PDGFRB: variants seen among roughly 807,000 people sequenced by gnomAD.
The protein encoded by PDGFRB is platelet derived growth factor receptor beta.
PDGFRB carries 42 observed loss-of-function variants against 120.2 expected under a neutral mutation model. The observed-to-expected ratio is 0.35, with a 90% CI of 0.27 to 0.45. The LOEUF (loss-of-function observed/expected upper bound fraction) is 0.45, where lower values mean the gene tolerates loss of function less well. PDGFRB is among the 20% of genes least tolerant of loss of function. PDGFRB has a pLI of 1.00. For synonymous variants in PDGFRB, 586 were observed against 606.8 expected (o/e 0.97, Z 0.50); for missense variants, 1,149 against 1,476.3 (o/e 0.78, Z 3.63).
chr5:150,121,176 C>A lies in PDGFRB; in HGVS notation c.2463+28G>T, dbSNP rs538196485. On this transcript the variant is annotated intron_variant, in intron 17 of 22. Coordinates refer to ENST00000261799, the MANE Select transcript of PDGFRB (RefSeq NM_002609.4). This position sits in a 1 kb window ranked among gnomAD's most constrained non-coding sequence, Gnocchi z 4.1. The stretch of plus-strand genomic sequence containing the variant: ...GGGTGACCCACCTCCCCACAGCCCC[C>A]ACTCTGCCCCACCAACACCACACGT... The A allele has an allele frequency of 3.0e-6, 4 of 1,334,060 alleles. No homozygotes were observed. In the South Asian group the frequency reaches 4.7e-5, roughly 16 times the overall value. 82.6% of individuals were successfully genotyped at this position (1,334,060 alleles called of 1,614,324 possible). A position where few individuals can be genotyped will look rare whatever the true frequency, so the allele number is the denominator to read the frequency against.
rs1190035265 is a variant in PDGFRB at position 150,134,925 on chromosome 5, T to C, written c.456A>G (p.Thr152=). The C allele has an allele frequency of 1.2e-6, 2 of 1,613,838 alleles. No individual in the cohort carries two copies. The highest frequency in any genetic ancestry group is 1.1e-5 in the South Asian group (1 of 91,074). Residue 152 remains threonine (T), a synonymous_variant, in exon 4 of 23, where the codon ACA becomes ACG. Coordinates refer to ENST00000261799, the MANE Select transcript of PDGFRB (RefSeq NM_002609.4). ...GCAGTGTCACCACCAGCTGTGGGTC[T>C]GTTACTCGGCATGGAATGGTGATCT... ...ITEITIPCRV[T]DPQLVVTLHE...
At chr5:150,122,104 T>G in intron 15 of PDGFRB, 64 bp from the exon 16 acceptor site, 1 of 1,262,118 alleles carries the variant, frequency 7.9e-7, no homozygotes, top group Admixed American at 1.8e-5. Flanking sequence ...CTCCTGCCCC[T>G]TGCCACTCAT....
rs1253207936 is a variant in PDGFRB at position 150,143,455 on chromosome 5, T to C, written c.-6-6402A>G. On this transcript the variant is annotated intron_variant, in intron 1 of 22. Transcript: ENST00000261799. The stretch of plus-strand genomic sequence containing the variant: ...CTGAGCTGGAATGCTGGGCTCGGGG[T>C]GGGGGTGCTGGGGAGGGACCCATGT... Among the ~76,000 whole-genome samples the C allele has an allele frequency of 4.0e-5, 6 of 150,892 alleles. 1 individual carries two copies. Among genetic ancestry groups the C allele is most frequent in the Non-Finnish European group, 5.9e-5 (4 of 67,768 alleles).
intron 12 of PDGFRB, among the ~76,000 whole-genome samples, chr5:150,125,202 C>T (rs970102927): frequency 6.6e-6 from 1 of 152,174 alleles, no homozygotes; most frequent in Non-Finnish European, 1.5e-5. Context: ...CTCAATCCTT[C>T]CACTTTTGCC....
rs1025390393 is a variant in PDGFRB, at chr5:150,115,679, A to G, written c.*84T>C. On this transcript the variant is annotated 3_prime_UTR_variant, in exon 23 of 23. Transcript: ENST00000261799. The stretch of plus-strand genomic sequence containing the variant: ...AGCTGATAAGGGCAGCCTGGCTGAC[A>G]GGAAGCCCGGTCAGGCCAGGCCAGG... 9.6e-5 allele frequency: 127 copies of G among 1,324,518 alleles called. No individual in the cohort carries two copies. The highest frequency in any genetic ancestry group is 1.2e-4 in the Non-Finnish European group (118 of 983,254). 82.0% of individuals were successfully genotyped at this position (1,324,518 alleles called of 1,614,324 possible). A position where few individuals can be genotyped will look rare whatever the true frequency, so the allele number is the denominator to read the frequency against.
chr5:150,150,792 C>T (rs894769347), intron 1 of PDGFRB, among the ~76,000 whole-genome samples: 3 of 152,156 alleles, frequency 2.0e-5, no homozygotes, highest in Admixed American at 1.3e-4. Flanking sequence ...CCATTCCCCC[C>T]CTCACCTCTG....
chr5:150,155,336 T>G (rs1761202221), intron 1 of PDGFRB, 61 bp downstream of exon 1: 1 of 312,016 alleles, frequency 3.2e-6, no homozygotes, highest in Non-Finnish European at 5.6e-6. Flanking sequence ...CTCGAAGAGA[T>G]GCAGGTTAGG....
chr5:150,129,142 C>T (rs1760379980), intron 10 of PDGFRB, among the ~76,000 whole-genome samples: 1 of 152,186 alleles, frequency 6.6e-6, no homozygotes, highest in Non-Finnish European at 1.5e-5. Flanking sequence ...CAATTATATG[C>T]TTACAGACAT....
rs1760118792 is a variant in PDGFRB at position 150,121,149 on chromosome 5, C to T, written c.2463+55G>A. On this transcript the variant is annotated intron_variant, in intron 17 of 22. Coordinates refer to ENST00000261799, the MANE Select transcript of PDGFRB (RefSeq NM_002609.4). The surrounding 1 kb of genome is among the most constrained non-coding windows in gnomAD (Gnocchi z 4.1). ...TGTGCTCTTGGAGGATGCTGGCTGG[C>T]TGGGTGACCCACCTCCCCACAGCCC... 7.5e-7 allele frequency: 1 copy of T among 1,325,604 alleles called. No homozygotes were observed. Among genetic ancestry groups the T allele is most frequent in the African/African-American group, 1.4e-5 (1 of 69,314 alleles). The allele number at this position is 1,325,604 out of a possible 1,614,324, so 82.1% of individuals were successfully genotyped here.
At chr5:150,154,354 T>A (rs538130242) in intron 1 of PDGFRB, among the ~76,000 whole-genome samples, 6 of 152,130 alleles carry the variant, frequency 3.9e-5, no homozygotes, top group Admixed American at 3.9e-4. Flanking sequence ...TTCCAACCTC[T>A]CCAGGCTGTG....
At chr5:150,147,290 G>A (rs1163953093) in intron 1 of PDGFRB, among the ~76,000 whole-genome samples, 2 of 152,162 alleles carry the variant, frequency 1.3e-5, no homozygotes, top group African/African-American at 2.4e-5. Flanking sequence ...ATCTCCGGCC[G>A]GTGCCATGGC....
chr5:150,118,309 G>A (rs1213376117), intron 21 of PDGFRB, among the ~76,000 whole-genome samples: 1 of 152,094 alleles, frequency 6.6e-6, no homozygotes, highest in East Asian at 1.9e-4. Flanking sequence ...TCCTCACTTG[G>A]ACCCGTGTTG....
intron 9 of PDGFRB, among the ~76,000 whole-genome samples, 159 bp downstream of exon 9, chr5:150,130,380 C>A (rs1240750796): frequency 1.3e-5 from 2 of 152,172 alleles, no homozygotes; most frequent in Non-Finnish European, 2.9e-5. Flanking sequence ...CCATTTAGGT[C>A]ATACAGAGTA....
In PDGFRB at chr5:150,118,806, G is replaced by A. The variant is rs2113885980; in HGVS notation, c.2845C>T (p.Pro949Ser). 2 of 1,613,524 alleles carry A rather than the reference G, an allele frequency of 1.2e-6. No homozygotes were observed. The highest frequency in any genetic ancestry group is 1.1e-5 in the South Asian group (1 of 91,026). Residue 949 changes from proline (P) to serine (S), a missense_variant, in exon 21 of 23, where the codon CCC becomes TCC. This residue lies in a region of PDGFRB where 202 missense variants were observed against 214.3 expected (regional missense o/e 0.94). Transcript: ENST00000261799. ...AGCAGCACCAGCTGGGAGAAGGGGG[G>A]CCGAATCTCAAACTTCTCTTCCCAG... ...KCWEEKFEIR[P>S]PFSQLVLLLE... is the part of the protein sequence containing the mutation.
intron 6 of PDGFRB, 76 bp downstream of exon 6, chr5:150,133,510 C>T: frequency 7.8e-7 from 1 of 1,276,348 alleles, no homozygotes; most frequent in East Asian, 2.3e-5. Flanking sequence ...CTCACCATCA[C>T]TCTGCACCCA....
At chr5:150,127,161 C>T (rs991679185) in intron 10 of PDGFRB, among the ~76,000 whole-genome samples, 1 of 152,228 alleles carries the variant, frequency 6.6e-6, no homozygotes, top group Non-Finnish European at 1.5e-5. Context: ...CTCCCCACTT[C>T]ACCCAAAGGG....
intron 3 of PDGFRB, 151 bp downstream of exon 3, chr5:150,135,404 A>G (rs1375677034): frequency 6.1e-6 from 4 of 658,276 alleles, no homozygotes; most frequent in South Asian, 5.6e-5. Context: ...GTGCGAACAC[A>G]CTCCCCGACT....
At chr5:150,154,005 G>A (rs1347245929) in intron 1 of PDGFRB, 1 of 152,210 alleles carries the variant, frequency 6.6e-6, no homozygotes, top group African/African-American at 2.4e-5. Flanking sequence ...TTCCCCAGCA[G>A]AAAGTGCGGC....
chr5:150,134,160 G>T, intron 4 of PDGFRB, 152 bp from the exon 5 acceptor site: 2 of 712,884 alleles, frequency 2.8e-6, no homozygotes, highest in Non-Finnish European at 4.9e-6. Flanking sequence ...CCTACTACAT[G>T]CCAAGTACTA....
Sources: allele counts gnomAD v4.1 joint callset (sites outside exome capture counted in the v4.1 genomes callset), GRCh38; gene constraint gnomAD v4.1.1; regional missense constraint gnomAD v4.1.1; non-coding constraint Gnocchi (gnomAD v3.1); transcripts MANE v1.5; gene names NCBI Gene and HGNC (gene_info 2026-07-23, HGNC 2026-07-21).